Variants in POLQ observed in about 807,000 individuals in gnomAD.
POLQ encodes DNA polymerase theta.
POLQ carries 233 observed loss-of-function variants against 259.2 expected under a neutral mutation model. The ratio of observed to expected loss-of-function variants is 0.90; its 90% CI spans 0.81 to 1.00. The LOEUF is 1.00. Among genes scored for constraint, POLQ ranks in the 50% least tolerant of loss-of-function variants. The pLI is 0.00. For missense variants in POLQ, 2,871 were observed against 3,051.6 expected (o/e 0.94, Z 1.39); for synonymous variants, 1,025 against 1,048.8 (o/e 0.98, Z 0.44).
chr3:121,522,225 A>G, intron 7 of POLQ, 76 bp from the exon 8 acceptor site: 2 of 975,936 alleles, frequency 2.0e-6, no homozygotes, highest in Non-Finnish European at 2.9e-6. Flanking sequence ...ATCATAATAG[A>G]GCTAAATAGC....
At chr3:121,534,334 C>G (rs1560109004) in intron 5 of POLQ, among the ~76,000 whole-genome samples, 1 of 144,198 alleles carries the variant, frequency 6.9e-6, no homozygotes, top group African/African-American at 2.5e-5. Flanking sequence ...CATTATTTTA[C>G]TTTTTTTTTT....
At position 121,519,932 on chromosome 3, in the gene POLQ, T is replaced by C; in HGVS notation, c.1407A>G (p.Leu469=). The C allele has an allele frequency of 6.2e-7, 1 of 1,611,432 alleles. No homozygotes were observed. The highest frequency in any genetic ancestry group is 8.5e-7 in the Non-Finnish European group (1 of 1,177,766). The change falls in exon 9 of 30, where the codon CTA becomes CTG. Residue 469 remains leucine (L), a synonymous_variant. Coordinates refer to ENST00000264233, the MANE Select transcript of POLQ (RefSeq NM_199420.4). ...IRTPIFGGRP[L]DILTYKQMVG... ...CCATCTGCTTATAAGTAAGAATATC[T>C]AGAGGTCGACCACCAAAAATAGGGG... is the stretch of plus-strand genomic sequence containing the variant.
At chr3:121,514,348 C>A (rs1183743645) in intron 9 of POLQ, among the ~76,000 whole-genome samples, 4 of 104,502 alleles carry the variant, frequency 3.8e-5, no homozygotes, top group Admixed American at 9.5e-5. Context: ...AAAACAACAA[C>A]AACAACAATA....
rs2047653706 is a variant in POLQ at position 121,449,240 on chromosome 3, AT to A, written c.7264+74del. On this transcript the variant is annotated intron_variant, in intron 26 of 29. Coordinates refer to ENST00000264233, the MANE Select transcript of POLQ (RefSeq NM_199420.4). The stretch of plus-strand genomic sequence containing the variant: ...TGACTAATTGATATTTCAAAAGAAA[AT>A]TCCATTACACAAATTTTTAAAAATA... The A allele has an allele frequency of 1.4e-5, 11 of 761,780 alleles. No individual in the cohort carries two copies. The South Asian group carries it at 2.0e-4, about 14-fold the overall frequency. The allele number at this position is 761,780 out of a possible 1,614,324, so 47.2% of individuals were successfully genotyped here.
At position 121,455,719 on chromosome 3, in the gene POLQ, C is replaced by A. The variant is rs575503221; in HGVS notation, c.7152+4331G>T. Among the ~76,000 whole-genome samples the A allele has an allele frequency of 6.6e-5, 10 of 152,202 alleles. No homozygotes were observed. The East Asian group carries it at 7.7e-4, about 12-fold the overall frequency. On this transcript the variant is annotated intron_variant, in intron 25 of 29. Coordinates refer to ENST00000264233, the MANE Select transcript of POLQ (RefSeq NM_199420.4). ...AATCTCTGAATAGACCAATAACAGG[C>A]TCTGAAATTGTGGCAATAATCAATA...
chr3:121,528,001 A>C (rs2048384602), intron 7 of POLQ, among the ~76,000 whole-genome samples: 1 of 152,236 alleles, frequency 6.6e-6, no homozygotes, highest in Admixed American at 6.5e-5. Context: ...GTAGTAGTAC[A>C]GTATATACCA....
intron 14 of POLQ, chr3:121,494,679 G>A: frequency 1.3e-6 from 2 of 1,577,604 alleles, no homozygotes; most frequent in Non-Finnish European, 1.7e-6. Context: ...GCAAGACTGG[G>A]ACGTCTAGTC....
intron 20 of POLQ, among the ~76,000 whole-genome samples, chr3:121,475,476 T>C (rs2047917966): frequency 6.6e-6 from 1 of 151,976 alleles, no homozygotes. Context: ...AATGGCAGTA[T>C]AGGAGAAAAA....
intron 9 of POLQ, among the ~76,000 whole-genome samples, chr3:121,518,509 G>T (rs2048314426): frequency 6.6e-6 from 1 of 152,166 alleles, no homozygotes; most frequent in Non-Finnish European, 1.5e-5. Context: ...GTCCACAAAA[G>T]CCCCAGAGGT....
chr3:121,485,345 C>T (rs1212988590), intron 16 of POLQ, among the ~76,000 whole-genome samples, 161 bp from the exon 17 acceptor site: 1 of 152,158 alleles, frequency 6.6e-6, no homozygotes, highest in Non-Finnish European at 1.5e-5. Context: ...TAAGATCTTT[C>T]CAGGCTTCCC....
Position 121,529,769 on chromosome 3 carries a change from A to G in POLQ, c.984T>C (p.Ser328=), listed in dbSNP as rs1220493142. 3.1e-6 allele frequency: 5 copies of G among 1,611,946 alleles called. No individual in the cohort carries two copies. The highest frequency in any genetic ancestry group is 4.2e-6 in the Non-Finnish European group (5 of 1,178,932). The change falls in exon 7 of 30, where the codon AGT becomes AGC. Residue 328 remains serine (S), a synonymous_variant. Transcript: ENST00000264233. Reference sequence around the variant, plus strand: ...TATCACAAATCGTCTCATAACATAAACTAACAACATGGTCCTCATCTCCCT... The same window carrying G: ...TATCACAAATCGTCTCATAACATAAGCTAACAACATGGTCCTCATCTCCCT... The part of the protein sequence containing the change: ...QVKGDEDHVV[S]LCYETICDNH...
intron 12 of POLQ, among the ~76,000 whole-genome samples, chr3:121,506,047 G>A (rs1355985579): frequency 6.6e-6 from 1 of 150,524 alleles, no homozygotes; most frequent in African/African-American, 2.4e-5. Flanking sequence ...AAAAAATAGG[G>A]GGATCACAAC....
intron 22 of POLQ, among the ~76,000 whole-genome samples, chr3:121,469,804 G>A (rs1437938956): frequency 6.6e-6 from 1 of 152,084 alleles, no homozygotes; most frequent in East Asian, 1.9e-4. Flanking sequence ...GCTTTGCTAT[G>A]CTTAAGTTTG....
At chr3:121,484,919 A>T (rs779128231) in intron 17 of POLQ, 122 bp downstream of exon 17, 10 of 817,046 alleles carry the variant, frequency 1.2e-5, no homozygotes, top group Non-Finnish European at 1.8e-5. Context: ...AACAAAAAAA[A>T]ATTTAACTCT....
chr3:121,492,435 T>A (rs182846441), intron 15 of POLQ, among the ~76,000 whole-genome samples: 3 of 152,244 alleles, frequency 2.0e-5, no homozygotes. Flanking sequence ...AATCAAGGAA[T>A]CTTCTCACAA....
In POLQ at chr3:121,500,038, T is replaced by C. The variant is rs1250544878; in HGVS notation, c.1960-1368A>G. 3.3e-5 allele frequency among the ~76,000 whole-genome samples: 5 copies of C among 152,082 alleles called. 1 individual carries two copies. In the South Asian group the frequency reaches 1.0e-3, roughly 32 times the overall value. ...GCTCATGCCTATAAAGCCAGCACTTTGGGAGGCTGAGAGGGGAGGACCACT... is the reference window on the plus strand; with the variant it reads ...GCTCATGCCTATAAAGCCAGCACTTCGGGAGGCTGAGAGGGGAGGACCACT... On this transcript the variant is annotated intron_variant, in intron 12 of 29. Coordinates refer to ENST00000264233, the MANE Select transcript of POLQ (RefSeq NM_199420.4).
chr3:121,487,739 T>A lies in POLQ; in HGVS notation c.5192A>T (p.Asp1731Val). The A allele has an allele frequency of 6.2e-7, 1 of 1,613,570 alleles. No individual in the cohort carries two copies. The highest frequency in any genetic ancestry group is 1.1e-5 in the South Asian group (1 of 91,028). Reference protein sequence around the residue: ...LPRKESNIVDDNGLIPPTPIP... With the variant: ...LPRKESNIVDVNGLIPPTPIP... ...GGGTGTAGGAGGAATGAGACCATTA[T>A]CATCAACTATATTACTTTCTTTACG... Residue 1731 changes from aspartate to valine, a missense_variant, in exon 16 of 30, where the codon GAT becomes GTT. Transcript: ENST00000264233.
intron 7 of POLQ, among the ~76,000 whole-genome samples, 176 bp from the exon 8 acceptor site, chr3:121,522,325 G>C (rs1318465870): frequency 2.0e-5 from 1 of 50,904 alleles, no homozygotes; most frequent in East Asian, 7.7e-4. Flanking sequence ...TTTTTTTTGA[G>C]ACGGAGTCTC....
chr3:121,457,818 T>A (rs1290758714), intron 25 of POLQ, among the ~76,000 whole-genome samples: 1 of 152,094 alleles, frequency 6.6e-6, no homozygotes, highest in Non-Finnish European at 1.5e-5. Flanking sequence ...ATTGTGGAAG[T>A]CAGTGTGGCG....
Sources: gnomAD v4.1 joint callset for allele counts (sites outside exome capture counted in the v4.1 genomes callset) on GRCh38, gnomAD v4.1.1 for gene constraint, MANE v1.5 for transcripts, NCBI Gene and HGNC (gene_info 2026-07-23, HGNC 2026-07-21) for gene names.